Variants in SEPTIN6 observed in about 807,000 individuals in gnomAD.
SEPTIN6 encodes septin 6.
SEPTIN6 carries 8 observed loss-of-function variants against 33.6 expected under a neutral mutation model. That is an observed-to-expected ratio of 0.24 (90% CI 0.14 to 0.43). SEPTIN6 has a LOEUF of 0.43. Among genes scored for constraint, SEPTIN6 ranks in the 20% least tolerant of loss-of-function variants. SEPTIN6 has a pLI of 1.00. For missense variants in SEPTIN6, 250 were observed against 340.8 expected (o/e 0.73, Z 2.10); for synonymous variants, 131 against 140.0 (o/e 0.94, Z 0.45).
Position 119,653,004 on chromosome X carries a change from G to C in SEPTIN6, c.378C>G (p.Phe126Leu). Residue 126 changes from phenylalanine (F) to leucine (L), a missense_variant, in exon 4 of 11, where the codon TTC (phenylalanine) becomes TTG (leucine). Phe to Leu is a conservative substitution (Grantham distance 22). Transcript: ENST00000394610. ...KPIVEFIDAQ[F>L]EAYLQEELKI... ...TTAGCTCTTCCTGCAGGTAGGCCTC[G>C]AATTGTGCATCGATGAATTCCACGA... is the stretch of plus-strand genomic sequence containing the variant. The C allele has an allele frequency of 8.3e-7, 1 of 1,210,289 alleles. No homozygotes were observed. Among genetic ancestry groups the C allele is most frequent in the Non-Finnish European group, 1.1e-6 (1 of 894,640 alleles).
At position 119,637,258 on chromosome X, in the gene SEPTIN6, G is replaced by C; in HGVS notation, c.788-63C>G. 5.6e-6 allele frequency: 6 copies of C among 1,068,028 alleles called. No homozygotes were observed. The South Asian group carries it at 1.2e-4, about 21-fold the overall frequency. 88.0% of individuals were successfully genotyped at this position (1,068,028 alleles called of 1,213,427 possible). ...AAGGAAGGCCAGCAGAAGCAGAAAT[G>C]GATGAAACGAGAGGCAAAATGTCTA... is the stretch of plus-strand genomic sequence containing the variant. On this transcript the variant is annotated intron_variant, in intron 6 of 10. Coordinates refer to ENST00000394610, the MANE Select transcript of SEPTIN6 (RefSeq NM_145799.4).
chrX:119,639,278 C>T (rs1200129084), intron 6 of SEPTIN6, among the ~76,000 whole-genome samples: 4 of 111,441 alleles, frequency 3.6e-5, no homozygotes, highest in Non-Finnish European at 7.5e-5. Flanking sequence ...GAGAACCAGC[C>T]ACTCTTTCAC....
At position 119,631,212 on chromosome X, in the gene SEPTIN6, G is replaced by A. The variant is rs1209271108; in HGVS notation, c.1090-1704C>T. Among the ~76,000 whole-genome samples, 3 of 95,539 alleles carry A rather than the reference G, an allele frequency of 3.1e-5. No homozygotes were observed. In the East Asian group the frequency reaches 9.8e-4, roughly 31 times the overall value. 83.0% of individuals were successfully genotyped at this position (95,539 alleles called of 115,157 possible). On this transcript the variant is annotated intron_variant, in intron 8 of 10. Coordinates refer to ENST00000394610, the MANE Select transcript of SEPTIN6 (RefSeq NM_145799.4). ...TTTTTTTTTTTTGAGACAGAGTCTCGCTCTGTCGCCCAAGCTGGAGTGCAG... is the reference window on the plus strand; with the variant it reads ...TTTTTTTTTTTTGAGACAGAGTCTCACTCTGTCGCCCAAGCTGGAGTGCAG...
At chrX:119,637,506 T>TATGCATCTGTCCATCCATCCATCC (rs2054081642) in intron 6 of SEPTIN6, among the ~76,000 whole-genome samples, 1 of 111,105 alleles carries the variant, frequency 9.0e-6, no homozygotes, top group South Asian at 3.7e-4. Context: ...CAACAGCATA[T>TATGCATCTGTCCATCCATCCATCC]ATGCATCTGT....
At chrX:119,674,966 G>T (rs142715149) in intron 2 of SEPTIN6, among the ~76,000 whole-genome samples, 2,847 of 110,009 alleles carry the variant, frequency 0.026, 54 homozygotes, top group Non-Finnish European at 0.043. Flanking sequence ...TAGCACTTTG[G>T]GAGGCCAAGA....
intron 3 of SEPTIN6, among the ~76,000 whole-genome samples, chrX:119,661,041 CAAAAAAA>C (rs58898121): frequency 2.1e-4 from 2 of 9,517 alleles, no homozygotes; most frequent in African/African-American, 4.0e-4. Flanking sequence ...GACTCCATCT[CAAAAAAA>C]AAAAAAAAAA....
intron 2 of SEPTIN6, among the ~76,000 whole-genome samples, chrX:119,673,756 C>T (rs1217197468): frequency 2.0e-5 from 2 of 101,404 alleles, no homozygotes; most frequent in East Asian, 3.3e-4. Context: ...GCAGGAGAAT[C>T]GCTTGAACCC....
intron 9 of SEPTIN6, among the ~76,000 whole-genome samples, chrX:119,625,723 A>AT (rs1372073202): frequency 1.1e-4 from 12 of 109,656 alleles, no homozygotes; most frequent in Admixed American, 3.9e-4. Context: ...TTATTTATTT[A>AT]TTTTTTTTGT....
At chrX:119,654,856 AG>A (rs890322069) in intron 3 of SEPTIN6, among the ~76,000 whole-genome samples, 2 of 111,383 alleles carry the variant, frequency 1.8e-5, no homozygotes, top group African/African-American at 6.5e-5. Context: ...ACTGTTCCGA[AG>A]GGTAATCGCA....
chrX:119,653,774 C>CT (rs1488068635), intron 3 of SEPTIN6, among the ~76,000 whole-genome samples: 2 of 112,231 alleles, frequency 1.8e-5, no homozygotes, highest in African/African-American at 6.5e-5. Context: ...AAGGTGGTGA[C>CT]TTTAAGTATT....
chrX:119,658,020 G>A (rs182501866), intron 3 of SEPTIN6, among the ~76,000 whole-genome samples: 1 of 111,164 alleles, frequency 9.0e-6, no homozygotes, highest in Non-Finnish European at 1.9e-5. Flanking sequence ...CCAGCTACTC[G>A]GGCGGCTGAG....
At chrX:119,616,545 G>C (rs755076246), downstream of SEPTIN6, 2 of 554,958 alleles carry the variant, frequency 3.6e-6, no homozygotes, top group East Asian at 6.7e-5. Flanking sequence ...TGTGAGTCAG[G>C]AAGAGAGCTT....
downstream of SEPTIN6, chrX:119,615,846 T>C (rs1159804816): frequency 5.6e-5 from 9 of 162,098 alleles, no homozygotes; most frequent in Non-Finnish European, 8.4e-5. Context: ...CAATGACTGG[T>C]CACACCTTTG....
chrX:119,652,010 C>T (rs985038979), intron 4 of SEPTIN6, among the ~76,000 whole-genome samples: 6 of 112,173 alleles, frequency 5.3e-5, no homozygotes, highest in South Asian at 3.7e-4. Flanking sequence ...CTGCAACCTC[C>T]GCTTCCAGGT....
intron 5 of SEPTIN6, among the ~76,000 whole-genome samples, chrX:119,644,945 T>C (rs2054222155): frequency 9.3e-6 from 1 of 108,085 alleles, no homozygotes; most frequent in Admixed American, 9.8e-5. Context: ...TTCGCTCTTG[T>C]TGCCCAGGCT....
At position 119,653,006 on chromosome X, in the gene SEPTIN6, A is replaced by G; in HGVS notation, c.376T>C (p.Phe126Leu). The change falls in exon 4 of 11, where the codon TTC becomes CTC. Residue 126 changes from phenylalanine to leucine, a missense_variant. Phe to Leu is a conservative substitution (Grantham distance 22). Transcript: ENST00000394610. Reference protein sequence around the residue: ...KPIVEFIDAQFEAYLQEELKI... With the variant: ...KPIVEFIDAQLEAYLQEELKI... ...AGCTCTTCCTGCAGGTAGGCCTCGA[A>G]TTGTGCATCGATGAATTCCACGATA... The G allele has an allele frequency of 3.3e-6, 4 of 1,210,360 alleles. No homozygotes were observed. In the South Asian group the frequency reaches 5.3e-5, roughly 16 times the overall value.
intron 2 of SEPTIN6, among the ~76,000 whole-genome samples, chrX:119,666,413 G>C (rs938310120): frequency 8.9e-6 from 1 of 112,318 alleles, no homozygotes; most frequent in Non-Finnish European, 1.9e-5. Flanking sequence ...CTCTGGGTGT[G>C]TCTAGCCTGC....
At chrX:119,670,041 G>A (rs2054714461) in intron 2 of SEPTIN6, among the ~76,000 whole-genome samples, 1 of 111,561 alleles carries the variant, frequency 9.0e-6, no homozygotes, top group Admixed American at 9.6e-5. Context: ...GCAAAGCAAC[G>A]GGCCCCAGAA....
chrX:119,671,479 G>A lies in SEPTIN6; in HGVS notation c.145+4075C>T, dbSNP rs752260052. ...ACTTTTTTGTATTTTTAGTAGAGAC[G>A]GGGTTTCACCGTGTTAGCCAGGATG... On this transcript the variant is annotated intron_variant, in intron 2 of 10. Transcript: ENST00000394610. Among the ~76,000 whole-genome samples, 6 of 109,610 alleles carry A rather than the reference G, an allele frequency of 5.5e-5. No homozygotes were observed. In the South Asian group the frequency reaches 1.2e-3, roughly 22 times the overall value.
Sources: gnomAD v4.1 joint callset for allele counts (sites outside exome capture counted in the v4.1 genomes callset) on GRCh38, gnomAD v4.1.1 for gene constraint, MANE v1.5 for transcripts, NCBI Gene and HGNC (gene_info 2026-07-23, HGNC 2026-07-21) for gene names.